The following TMEM135 variants were observed in gnomAD, a reference collection of about 807,000 sequenced individuals.
The protein encoded by TMEM135 is peroxisomal membrane protein 52.
In TMEM135, 30 loss-of-function variants were observed where a neutral mutation model predicts 60.3. The ratio of observed to expected loss-of-function variants is 0.50; its 90% CI spans 0.37 to 0.68. The LOEUF (loss-of-function observed/expected upper bound fraction) is 0.68, where lower values mean the gene tolerates loss of function less well. Ranked by LOEUF, TMEM135 falls within the 30% of genes least tolerant of loss-of-function variation. The pLI, the probability that TMEM135 is intolerant of heterozygous loss-of-function variation, is 0.00. For synonymous variants in TMEM135, 190 were observed against 186.7 expected (o/e 1.02, Z -0.14); for missense variants, 468 against 548.8 (o/e 0.85, Z 1.47).
At chr11:87,055,065 C>T (rs180771004) in intron 1 of TMEM135, among the ~76,000 whole-genome samples, 1 of 152,020 alleles carries the variant, frequency 6.6e-6, no homozygotes, top group African/African-American at 2.4e-5. Flanking sequence ...TAAATAAATA[C>T]GAAATTATCT....
chr11:87,093,691 T>G (rs1857260454), intron 4 of TMEM135, among the ~76,000 whole-genome samples: 1 of 151,908 alleles, frequency 6.6e-6, no homozygotes, highest in South Asian at 2.1e-4. Flanking sequence ...CCATCACGCC[T>G]GGCTAATTTT....
intron 5 of TMEM135, among the ~76,000 whole-genome samples, chr11:87,223,180 T>TC (rs1042417541): frequency 2.0e-5 from 3 of 151,296 alleles, no homozygotes; most frequent in Admixed American, 6.6e-5. Context: ...TTTTTTTTTT[T>TC]CTGAGATGGA....
chr11:87,207,900 G>A (rs761611692), intron 5 of TMEM135, among the ~76,000 whole-genome samples: 2 of 152,178 alleles, frequency 1.3e-5, no homozygotes, highest in Non-Finnish European at 2.9e-5. Context: ...TAAAGGACCA[G>A]AGGACAAAAC....
At chr11:87,303,580 T>C (rs1178405954) in intron 8 of TMEM135, among the ~76,000 whole-genome samples, 2 of 152,244 alleles carry the variant, frequency 1.3e-5, no homozygotes, top group Non-Finnish European at 2.9e-5. Flanking sequence ...CTATTAAGAA[T>C]TGCTGTGAGC....
intron 1 of TMEM135, among the ~76,000 whole-genome samples, chr11:87,058,650 T>C (rs898947234): frequency 6.6e-6 from 1 of 152,142 alleles, no homozygotes; most frequent in African/African-American, 2.4e-5. Context: ...GACAGAGTCT[T>C]GCTCTCTTGC....
At chr11:87,159,611 A>ACACACACGCG (rs1228938204) in intron 5 of TMEM135, among the ~76,000 whole-genome samples, 2 of 144,488 alleles carry the variant, frequency 1.4e-5, no homozygotes, top group Admixed American at 1.5e-4. Context: ...ACACACACAC[A>ACACACACGCG]CACACACCAT....
intron 6 of TMEM135, among the ~76,000 whole-genome samples, chr11:87,246,302 A>T (rs1591135046): frequency 6.7e-6 from 1 of 149,364 alleles, no homozygotes; most frequent in Middle Eastern, 3.4e-3. Context: ...CTTCATTTCA[A>T]CTTTGGTGAA....
At chr11:87,124,064 A>G (rs1271306214) in intron 4 of TMEM135, among the ~76,000 whole-genome samples, 1 of 152,172 alleles carries the variant, frequency 6.6e-6, no homozygotes, top group Admixed American at 6.5e-5. Flanking sequence ...GCTCCTTGCA[A>G]TAGGTCTATA....
chr11:87,245,617 G>T (rs1941250445), intron 6 of TMEM135, among the ~76,000 whole-genome samples: 1 of 138,686 alleles, frequency 7.2e-6, no homozygotes, highest in South Asian at 2.6e-4. Context: ...GGCCTTCTTT[G>T]TCTCTTTTGA....
intron 5 of TMEM135, among the ~76,000 whole-genome samples, chr11:87,163,283 C>A (rs1174423614): frequency 2.1e-5 from 3 of 140,822 alleles, no homozygotes. Context: ...TGAGAATATG[C>A]GGTGTTTGGT....
intron 3 of TMEM135, among the ~76,000 whole-genome samples, chr11:87,089,285 A>G (rs1326966661): frequency 6.6e-6 from 1 of 152,240 alleles, no homozygotes; most frequent in Non-Finnish European, 1.5e-5. Context: ...CTGTAATCCC[A>G]GAACTTTGGG....
chr11:87,319,074 G>A (rs1222765260), intron 13 of TMEM135: 2 of 464,252 alleles, frequency 4.3e-6, no homozygotes, highest in African/African-American at 4.0e-5. Context: ...TCTCCATGTT[G>A]GTTAGGCTGG....
At chr11:87,305,457 C>G (rs1485531543) in intron 8 of TMEM135, among the ~76,000 whole-genome samples, 2 of 152,016 alleles carry the variant, frequency 1.3e-5, no homozygotes, top group African/African-American at 4.8e-5. Flanking sequence ...TCTCCTAAAG[C>G]ACCAAAAGTG....
At chr11:87,299,780 C>G (rs1013380914) in intron 7 of TMEM135, among the ~76,000 whole-genome samples, 10 of 152,056 alleles carry the variant, frequency 6.6e-5, no homozygotes, top group African/African-American at 2.4e-4. Context: ...TTAGGCAAAC[C>G]TTACCTAGCG....
intron 6 of TMEM135, among the ~76,000 whole-genome samples, chr11:87,293,860 C>T (rs1942307516): frequency 6.6e-6 from 1 of 152,114 alleles, no homozygotes. Flanking sequence ...GATTTGTATT[C>T]CTTTGGGTAT....
Position 87,237,038 on chromosome 11 carries a change from A to G in TMEM135, c.509+354A>G, listed in dbSNP as rs111956139. Among the ~76,000 whole-genome samples, 1,264 of 152,142 alleles carry G rather than the reference A, an allele frequency of 8.3e-3. 15 individuals carry two copies. The highest frequency in any genetic ancestry group is 0.028 in the African/African-American group (1,154 of 41,558). On this transcript the variant is annotated intron_variant, in intron 6 of 14. Coordinates refer to ENST00000305494, the MANE Select transcript of TMEM135 (RefSeq NM_022918.4). The stretch of plus-strand genomic sequence containing the variant: ...TGTTTTTCACTCTGCTTGTAAAACA[A>G]TCAACATTTTACATTTGGATAAGAA...
chr11:87,141,008 A>G (rs1352206428), intron 4 of TMEM135, among the ~76,000 whole-genome samples: 1 of 149,554 alleles, frequency 6.7e-6, no homozygotes, highest in Non-Finnish European at 1.5e-5. Flanking sequence ...TTGAATCTTT[A>G]TAGTAAGTCT....
At chr11:87,106,146 C>T (rs1235665025) in intron 4 of TMEM135, among the ~76,000 whole-genome samples, 1 of 151,536 alleles carries the variant, frequency 6.6e-6, no homozygotes, top group Non-Finnish European at 1.5e-5. Flanking sequence ...CTCTGTTGCT[C>T]AGGCTGGAGT....
At chr11:87,230,379 G>T (rs1177296717) in intron 5 of TMEM135, among the ~76,000 whole-genome samples, 3 of 151,956 alleles carry the variant, frequency 2.0e-5, no homozygotes, top group Admixed American at 2.0e-4. Flanking sequence ...GAAGTATATT[G>T]CCCCATGGCT....
Sources: gnomAD v4.1 joint callset for allele counts (sites outside exome capture counted in the v4.1 genomes callset) on GRCh38, gnomAD v4.1.1 for gene constraint, MANE v1.5 for transcripts, NCBI Gene and HGNC (gene_info 2026-07-23, HGNC 2026-07-21) for gene names.